IL18R1: variants seen among roughly 807,000 people sequenced by gnomAD.
The protein encoded by IL18R1 is interleukin 18 receptor 1, also known as interleukin-18 receptor 1.
Under a neutral mutation model 48.5 loss-of-function variants are expected in IL18R1, and 40 were observed. The ratio of observed to expected loss-of-function variants is 0.82; its 90% CI spans 0.64 to 1.07. The LOEUF (loss-of-function observed/expected upper bound fraction) is 1.07. Among genes scored for constraint, IL18R1 ranks in the 50% least tolerant of loss-of-function variants. The probability of loss-of-function intolerance (pLI) is 0.00; values close to 1 mark genes in which losing one functional copy is unlikely to be tolerated. For missense variants in IL18R1, 596 were observed against 633.7 expected (o/e 0.94, Z 0.64); for synonymous variants, 232 against 225.9 (o/e 1.03, Z -0.24).
intron 1 of IL18R1, among the ~76,000 whole-genome samples, chr2:102,359,868 G>C (rs554842843): frequency 6.6e-6 from 1 of 152,206 alleles, no homozygotes; most frequent in Admixed American, 6.5e-5. Flanking sequence ...ACATTTAAGC[G>C]GTATTACCAT....
At chr2:102,371,885 G>T in intron 3 of IL18R1, 68 bp from the exon 4 acceptor site, 2 of 839,524 alleles carry the variant, frequency 2.4e-6, no homozygotes, top group Non-Finnish European at 3.7e-6. Flanking sequence ...GGTTACTAAA[G>T]GGAAGATGGG....
intron 9 of IL18R1, among the ~76,000 whole-genome samples, chr2:102,393,838 C>T (rs1680675963): frequency 6.6e-6 from 1 of 152,202 alleles, no homozygotes. Flanking sequence ...CCATCGGGAT[C>T]ACTCTTTATT....
chr2:102,379,800 A>T (rs1311132533), intron 5 of IL18R1, among the ~76,000 whole-genome samples: 1 of 152,126 alleles, frequency 6.6e-6, no homozygotes, highest in Non-Finnish European at 1.5e-5. Context: ...GGGGAAAAGG[A>T]TTCTAGTTTT....
chr2:102,365,467 G>A lies in IL18R1; in HGVS notation c.59-2358G>A, dbSNP rs1175755397. 3.3e-5 allele frequency among the ~76,000 whole-genome samples: 5 copies of A among 152,316 alleles called. No individual in the cohort carries two copies. The South Asian group carries it at 1.0e-3, about 32-fold the overall frequency. On this transcript the variant is annotated intron_variant, in intron 2 of 10. Transcript: ENST00000233957. ...AGCTATGCTCCTGTGGCTTTGCAGG[G>A]TACATCTTTCTTCCTGGTTTCTTTC...
At chr2:102,386,122 T>A (rs1559630797) in intron 7 of IL18R1, among the ~76,000 whole-genome samples, 1 of 152,236 alleles carries the variant, frequency 6.6e-6, no homozygotes, top group Non-Finnish European at 1.5e-5. Flanking sequence ...AGTGGGGCTC[T>A]GTGTCCCGGG....
chr2:102,378,035 C>T (rs746426972), intron 5 of IL18R1, among the ~76,000 whole-genome samples: 3 of 152,234 alleles, frequency 2.0e-5, no homozygotes, highest in Admixed American at 6.5e-5. Flanking sequence ...TACTTTCCTA[C>T]ATCTATTTTT....
At chr2:102,395,094 A>G (rs1680752040) in intron 10 of IL18R1, among the ~76,000 whole-genome samples, 1 of 152,188 alleles carries the variant, frequency 6.6e-6, no homozygotes, top group Non-Finnish European at 1.5e-5. Context: ...ATTGGTGACG[A>G]AATTTAAGTA....
chr2:102,368,663 G>C (rs1016964888), intron 3 of IL18R1, among the ~76,000 whole-genome samples: 1 of 152,130 alleles, frequency 6.6e-6, no homozygotes, highest in Non-Finnish European at 1.5e-5. Flanking sequence ...GATTGTGCCA[G>C]AATACTCGAA....
chr2:102,393,469 G>A (rs1680656318), intron 9 of IL18R1, among the ~76,000 whole-genome samples: 1 of 152,190 alleles, frequency 6.6e-6, no homozygotes, highest in Non-Finnish European at 1.5e-5. Flanking sequence ...AGAAGATTTT[G>A]CCAGAAGCAG....
intron 4 of IL18R1, among the ~76,000 whole-genome samples, chr2:102,374,222 T>G (rs971594184): frequency 2.6e-5 from 4 of 152,150 alleles, no homozygotes; most frequent in Non-Finnish European, 4.4e-5. Context: ...ATAATATGAC[T>G]CTGTCGTGGA....
chr2:102,387,088 C>T lies in IL18R1; in HGVS notation c.949+88C>T, dbSNP rs1413608383. 3.7e-6 allele frequency: 5 copies of T among 1,365,164 alleles called. No individual in the cohort carries two copies. The African/African-American group carries it at 5.8e-5, about 16-fold the overall frequency. The allele number at this position is 1,365,164 out of a possible 1,614,324, so 84.6% of individuals were successfully genotyped here. A position where few individuals can be genotyped will look rare whatever the true frequency, so the allele number is the denominator to read the frequency against. ...AAGATGGCCACTTTCTCATTTTCCACACCAGAACCCAGCTCCTGAGAGGGG... is the reference window on the plus strand; with the variant it reads ...AAGATGGCCACTTTCTCATTTTCCATACCAGAACCCAGCTCCTGAGAGGGG... On this transcript the variant is annotated intron_variant, in intron 8 of 10. Coordinates refer to ENST00000233957, the MANE Select transcript of IL18R1 (RefSeq NM_003855.5).
chr2:102,377,964 G>C (rs1679689974), intron 5 of IL18R1, among the ~76,000 whole-genome samples: 1 of 152,174 alleles, frequency 6.6e-6, no homozygotes, highest in African/African-American at 2.4e-5. Flanking sequence ...ACCCATAACT[G>C]AATTTTAAAC....
intron 5 of IL18R1, among the ~76,000 whole-genome samples, chr2:102,381,023 G>T (rs1679888739): frequency 6.6e-6 from 1 of 152,184 alleles, no homozygotes; most frequent in Non-Finnish European, 1.5e-5. Context: ...GGGACTGAGG[G>T]GGCAGAATTT....
chr2:102,373,873 T>C, intron 4 of IL18R1: 1 of 356,710 alleles, frequency 2.8e-6, no homozygotes. Flanking sequence ...GAGGAATCTA[T>C]GTTGCATGCT....
At position 102,398,597 on chromosome 2, in the gene IL18R1, G is replaced by A. The variant is rs1040095345; in HGVS notation, c.*1711G>A. ...ATATATAATCAAAATAGATTTCATT[G>A]CTATTGCATAGTCTCTAATACATAG... On this transcript the variant is annotated 3_prime_UTR_variant, in exon 11 of 11. Coordinates refer to ENST00000233957, the MANE Select transcript of IL18R1 (RefSeq NM_003855.5). The A allele has an allele frequency of 1.3e-5, 2 of 152,156 alleles. No homozygotes were observed. The highest frequency in any genetic ancestry group is 4.8e-5 in the African/African-American group (2 of 41,428). 9.4% of individuals were successfully genotyped at this position (152,156 alleles called of 1,614,324 possible). A position where few individuals can be genotyped will look rare whatever the true frequency, so the allele number is the denominator to read the frequency against.
rs150705371 is a variant in IL18R1 at position 102,389,207 on chromosome 2, C to G, written c.950-849C>G. ...AATTTTAATGACCTACTGAAATGCTCATAATATAATATTCAGAAATAATGA... is the reference window on the plus strand; with the variant it reads ...AATTTTAATGACCTACTGAAATGCTGATAATATAATATTCAGAAATAATGA... On this transcript the variant is annotated intron_variant, in intron 8 of 10. Transcript: ENST00000233957. 6.4e-3 allele frequency among the ~76,000 whole-genome samples: 977 copies of G among 152,120 alleles called. 10 individuals carry two copies. The highest frequency in any genetic ancestry group is 0.022 in the African/African-American group (932 of 41,480).
chr2:102,385,692 T>G (rs1249736669), intron 7 of IL18R1, among the ~76,000 whole-genome samples: 1 of 152,218 alleles, frequency 6.6e-6, no homozygotes, highest in Non-Finnish European at 1.5e-5. Flanking sequence ...TGCTGACACT[T>G]GTCTACAAGC....
chr2:102,386,829 G>A (rs756007967), intron 7 of IL18R1, 32 bp from the exon 8 acceptor site: 44 of 1,611,814 alleles, frequency 2.7e-5, no homozygotes, highest in Non-Finnish European at 3.7e-5. Context: ...AACGAACAGA[G>A]CCTACTGCTA....
At chr2:102,386,778 C>A (rs1251663967) in intron 7 of IL18R1, 83 bp from the exon 8 acceptor site, 3 of 1,379,778 alleles carry the variant, frequency 2.2e-6, no homozygotes, top group Non-Finnish European at 3.1e-6. Context: ...ATCACAGCTG[C>A]CTTCAAGCAT....
Sources: gnomAD v4.1 joint callset for allele counts (sites outside exome capture counted in the v4.1 genomes callset) on GRCh38, gnomAD v4.1.1 for gene constraint, MANE v1.5 for transcripts, NCBI Gene and HGNC (gene_info 2026-07-23, HGNC 2026-07-21) for gene names.